The following UNC13C variants were observed in gnomAD, a reference collection of about 807,000 sequenced individuals.
UNC13C encodes the protein protein unc-13 homolog C.
In UNC13C, 174 loss-of-function variants were observed where a neutral mutation model predicts 245.4. The observed-to-expected ratio is 0.71, with a 90% CI of 0.63 to 0.80. UNC13C has a LOEUF of 0.80. Among genes scored for constraint, UNC13C ranks in the 30% least tolerant of loss-of-function variants. The pLI is 0.00. For synonymous variants in UNC13C, 992 were observed against 895.1 expected, an observed-to-expected ratio of 1.11 and a Z score of -1.93; for missense variants, 2,829 against 2,602.9, an observed-to-expected ratio of 1.09 and a Z score of -1.89.
the UNC13C span, among the ~76,000 whole-genome samples, chr15:53,914,894 T>C: frequency 6.6e-6 from 1 of 152,186 alleles, no homozygotes; most frequent in Admixed American, 6.5e-5. Context: ...TGTGTGTATG[T>C]ATACATATAT....
At chr15:54,331,542 G>T (rs376203616) in intron 14 of UNC13C, among the ~76,000 whole-genome samples, 2 of 152,096 alleles carry the variant, frequency 1.3e-5, no homozygotes, top group East Asian at 3.9e-4. Flanking sequence ...CTTCCAAAAA[G>T]AAAATATTTT....
At chr15:54,553,136 G>C (rs1896918303) in intron 28 of UNC13C, among the ~76,000 whole-genome samples, 1 of 87,430 alleles carries the variant, frequency 1.1e-5, no homozygotes, top group Non-Finnish European at 2.1e-5. Context: ...ATAATATATA[G>C]TATTCTATAT....
chr15:54,474,404 T>C (rs777634592), intron 19 of UNC13C, among the ~76,000 whole-genome samples: 3 of 152,062 alleles, frequency 2.0e-5, no homozygotes, highest in Non-Finnish European at 2.9e-5. Context: ...GTGGTTTTGA[T>C]TTGCATTGCC....
the UNC13C span, among the ~76,000 whole-genome samples, chr15:53,929,370 C>T: frequency 1.3e-5 from 2 of 152,104 alleles, no homozygotes; most frequent in African/African-American, 4.8e-5. Flanking sequence ...TCATTTTTAC[C>T]TCATTGTACC....
chr15:54,324,705 AG>A (rs1273321509), intron 14 of UNC13C, among the ~76,000 whole-genome samples: 1 of 152,060 alleles, frequency 6.6e-6, no homozygotes, highest in African/African-American at 2.4e-5. Context: ...GGAAAAGGGT[AG>A]TATATCATAT....
At chr15:53,842,162 C>G in the UNC13C span, among the ~76,000 whole-genome samples, 5 of 151,992 alleles carry the variant, frequency 3.3e-5, no homozygotes, top group African/African-American at 1.2e-4. Context: ...AATGGGAAGC[C>G]TCACATAGTG....
intron 10 of UNC13C, among the ~76,000 whole-genome samples, chr15:54,270,499 T>C (rs1007812500): frequency 6.6e-6 from 1 of 152,102 alleles, no homozygotes; most frequent in Admixed American, 6.6e-5. Context: ...ATAGAACTTG[T>C]TAAGTGTTAA....
the UNC13C span, among the ~76,000 whole-genome samples, chr15:53,890,195 G>A: frequency 1.3e-5 from 2 of 150,514 alleles, no homozygotes; most frequent in African/African-American, 4.9e-5. Context: ...AGGCTTGAGT[G>A]CAGTGGTATG....
the UNC13C span, among the ~76,000 whole-genome samples, chr15:53,933,319 C>G: frequency 2.0e-5 from 3 of 151,928 alleles, no homozygotes; most frequent in Non-Finnish European, 4.4e-5. Flanking sequence ...TATAATGTAC[C>G]TCTTCAATAA....
At chr15:54,610,703 A>G (rs1295767033) in intron 30 of UNC13C, among the ~76,000 whole-genome samples, 1 of 152,154 alleles carries the variant, frequency 6.6e-6, no homozygotes, top group African/African-American at 2.4e-5. Context: ...AAGAACTATT[A>G]CTCCTATTTT....
At chr15:54,259,168 C>A (rs2036358064) in intron 8 of UNC13C, among the ~76,000 whole-genome samples, 1 of 152,238 alleles carries the variant, frequency 6.6e-6, no homozygotes, top group Non-Finnish European at 1.5e-5. Flanking sequence ...CATCTTTTAA[C>A]ATTATCACAT....
chr15:54,334,241 T>G (rs2038515755), intron 16 of UNC13C, among the ~76,000 whole-genome samples: 2 of 152,168 alleles, frequency 1.3e-5, no homozygotes, highest in Non-Finnish European at 2.9e-5. Context: ...CTGACTCTTT[T>G]AAGTTTACCC....
the UNC13C span, among the ~76,000 whole-genome samples, chr15:53,875,399 C>T: frequency 6.3e-4 from 96 of 152,216 alleles, no homozygotes; most frequent in African/African-American, 2.2e-3. Context: ...TCTGTATGCT[C>T]ACTGTAGTTT....
intron 4 of UNC13C, among the ~76,000 whole-genome samples, chr15:54,200,132 T>A (rs1595992355): frequency 6.6e-6 from 1 of 151,966 alleles, no homozygotes; most frequent in South Asian, 2.1e-4. Context: ...CAGGAAAATA[T>A]CACAATTGTG....
At chr15:54,005,163 C>T (rs188056864) in intron 1 of UNC13C, among the ~76,000 whole-genome samples, 1 of 152,182 alleles carries the variant, frequency 6.6e-6, no homozygotes, top group Non-Finnish European at 1.5e-5. Context: ...GCCTTAAAAC[C>T]TAGGGGCCCA....
At chr15:54,016,647 T>G (rs189435797) in intron 2 of UNC13C, among the ~76,000 whole-genome samples, 1 of 152,358 alleles carries the variant, frequency 6.6e-6, no homozygotes, top group African/African-American at 2.4e-5. Flanking sequence ...AACTTTGGAT[T>G]ATATACTTTT....
chr15:54,038,859 A>G (rs1002425661), intron 2 of UNC13C, among the ~76,000 whole-genome samples: 22 of 152,190 alleles, frequency 1.4e-4, no homozygotes, highest in African/African-American at 4.8e-4. Context: ...TTTTTACATA[A>G]ATAATTTTCA....
intron 16 of UNC13C, among the ~76,000 whole-genome samples, chr15:54,336,791 A>T (rs1333200399): frequency 2.0e-5 from 3 of 152,096 alleles, no homozygotes. Context: ...CCATATATGT[A>T]TGGGTCTATT....
intron 10 of UNC13C, among the ~76,000 whole-genome samples, chr15:54,277,266 T>A (rs1288968418): frequency 1.3e-5 from 2 of 152,204 alleles, no homozygotes; most frequent in Non-Finnish European, 2.9e-5. Flanking sequence ...CCCAGTAAAC[T>A]TTGAAGCTGA....
Sources: gnomAD v4.1 joint callset for allele counts (sites outside exome capture counted in the v4.1 genomes callset) on GRCh38, gnomAD v4.1.1 for gene constraint, MANE v1.5 for transcripts, NCBI Gene and HGNC (gene_info 2026-07-23, HGNC 2026-07-21) for gene names.